The following OLFML2B variants were observed in gnomAD, a reference collection of about 807,000 sequenced individuals.
The protein encoded by OLFML2B is olfactomedin-like protein 2B.
A neutral mutation model predicts 74.9 loss-of-function variants in OLFML2B; 57 were observed. That is an observed-to-expected ratio of 0.76 (90% CI 0.61 to 0.95). OLFML2B has a LOEUF of 0.95. Among genes scored for constraint, OLFML2B ranks in the 40% least tolerant of loss-of-function variants. The pLI, the probability that OLFML2B is intolerant of heterozygous loss-of-function variation, is 0.00. For missense variants in OLFML2B, 986 were observed against 970.6 expected, an observed-to-expected ratio of 1.02 and a Z score of -0.21; for synonymous variants, 388 against 405.8, an observed-to-expected ratio of 0.96 and a Z score of 0.53.
chr1:161,996,940 A>G (rs4233382), intron 6 of OLFML2B, among the ~76,000 whole-genome samples: 97,161 of 151,994 alleles, frequency 0.64, 31,326 homozygotes, highest in Middle Eastern at 0.72. Flanking sequence ...GGGGGATCAC[A>G]AGGTCAGGAG....
chr1:161,988,732 C>T (rs996446608), intron 6 of OLFML2B, among the ~76,000 whole-genome samples: 1 of 152,068 alleles, frequency 6.6e-6, no homozygotes, highest in Non-Finnish European at 1.5e-5. Flanking sequence ...CTCCTCCCTC[C>T]TCATTCTTCC....
rs190843465 is a variant in OLFML2B, at chr1:161,991,262, T to C, written c.1475-6282A>G. ...CAGAGGAATCATTATCTATGGCAGC[T>C]ATAGCCTTACAAAATGTATTTCTTA... On this transcript the variant is annotated intron_variant, in intron 6 of 7. Transcript: ENST00000294794. 4.1e-3 allele frequency among the ~76,000 whole-genome samples: 622 copies of C among 152,354 alleles called. 2 individuals carry two copies. The highest frequency in any genetic ancestry group is 0.014 in the African/African-American group (590 of 41,582).
At chr1:161,985,810 T>C (rs976996777) in intron 6 of OLFML2B, among the ~76,000 whole-genome samples, 5 of 152,274 alleles carry the variant, frequency 3.3e-5, no homozygotes, top group Admixed American at 3.3e-4. Flanking sequence ...TGACTCTGGG[T>C]ATAGAAGCCT....
In OLFML2B at chr1:162,014,761, A is replaced by G. The variant is rs532785948; in HGVS notation, c.546+2639T>C. 8.5e-5 allele frequency among the ~76,000 whole-genome samples: 13 copies of G among 152,302 alleles called. No individual in the cohort carries two copies. In the South Asian group the frequency reaches 2.5e-3, roughly 29 times the overall value. ...AGACCCATCTGAAGACTACTGTCAC[A>G]CTTCAGCACCCTATCACCTTAGGCT... is the stretch of plus-strand genomic sequence containing the variant. On this transcript the variant is annotated intron_variant, in intron 3 of 7. Transcript: ENST00000294794.
chr1:161,997,063 A>G (rs1041407053), intron 6 of OLFML2B, among the ~76,000 whole-genome samples: 4 of 152,224 alleles, frequency 2.6e-5, no homozygotes, highest in Non-Finnish European at 5.9e-5. Flanking sequence ...AGGCTGAGGC[A>G]GGAGAATGGC....
At position 162,023,529 on chromosome 1, in the gene OLFML2B, G is replaced by A. The variant is rs1055161074; in HGVS notation, c.-99C>T. On this transcript the variant is annotated 5_prime_UTR_variant, in exon 1 of 8. Coordinates refer to ENST00000294794, the MANE Select transcript of OLFML2B (RefSeq NM_015441.3). ...CGAGAGGGTGTCCTCGCTAGAGCCC[G>A]AAAGTGGCTGCTGAGAGCACCTTCT... 2 of 1,249,374 alleles carry A rather than the reference G, an allele frequency of 1.6e-6. No homozygotes were observed. Among genetic ancestry groups the A allele is most frequent in the Non-Finnish European group, 1.1e-6 (1 of 945,908 alleles). 77.4% of individuals were successfully genotyped at this position (1,249,374 alleles called of 1,614,324 possible). A position where few individuals can be genotyped will look rare whatever the true frequency, so the allele number is the denominator to read the frequency against.
chr1:162,019,925 G>T lies in OLFML2B; in HGVS notation c.432C>A (p.Asp144Glu), dbSNP rs747444818. 7 of 1,614,004 alleles carry T rather than the reference G, an allele frequency of 4.3e-6. No homozygotes were observed. The Admixed American group carries it at 1.2e-4, about 27-fold the overall frequency. ...LQKLREADSQ[D>E]LKLSTIIDML... Reference sequence around the variant, plus strand: ...GCCCCATACCAGGTCCTACCTTCAAGTCCTGGCTGTCTGCCTCCCGCAGCT... The same window carrying T: ...GCCCCATACCAGGTCCTACCTTCAATTCCTGGCTGTCTGCCTCCCGCAGCT... The change falls in exon 2 of 8, where the codon GAC becomes GAA. Residue 144 changes from aspartate (D) to glutamate (E), a missense_variant. Physicochemically the swap from Asp to Glu is conservative, Grantham distance 45. Transcript: ENST00000294794.
intron 4 of OLFML2B, 81 bp downstream of exon 4, chr1:162,006,214 TGA>T: frequency 7.5e-7 from 1 of 1,340,260 alleles, no homozygotes; most frequent in South Asian, 1.8e-5. Flanking sequence ...GACTGAAGCC[TGA>T]AAAGTTCTAT....
At chr1:162,021,406 T>C (rs1690700835) in intron 1 of OLFML2B, among the ~76,000 whole-genome samples, 1 of 152,174 alleles carries the variant, frequency 6.6e-6, no homozygotes, top group African/African-American at 2.4e-5. Flanking sequence ...CTCTGGGCGC[T>C]TGCTGGGAAA....
At chr1:162,021,589 T>C (rs1389048751) in intron 1 of OLFML2B, among the ~76,000 whole-genome samples, 1 of 152,268 alleles carries the variant, frequency 6.6e-6, no homozygotes, top group Admixed American at 6.5e-5. Context: ...AGAAGACTTG[T>C]AATGTTTTCC....
chr1:162,017,452 T>C lies in OLFML2B; in HGVS notation c.494A>G (p.Lys165Arg), dbSNP rs377754160. ...CAGTTTGGTGGTGACTGAATGTAGC[T>C]TCAGGAGATCCAGGCCATAGAACGC... ...EGAFYGLDLL[K>R]LHSVTTKLVG... The change falls in exon 3 of 8, where the codon AAG becomes AGG. Residue 165 changes from lysine (K) to arginine (R), a missense_variant. Physicochemically the swap from Lys to Arg is conservative, Grantham distance 26. Transcript: ENST00000294794. The C allele has an allele frequency of 5.6e-6, 9 of 1,613,522 alleles. No homozygotes were observed. The highest frequency in any genetic ancestry group is 7.6e-6 in the Non-Finnish European group (9 of 1,179,854).
intron 6 of OLFML2B, among the ~76,000 whole-genome samples, chr1:161,996,493 G>A (rs2101955899): frequency 6.6e-6 from 1 of 152,350 alleles, no homozygotes. Flanking sequence ...TTGGGAATGA[G>A]GCTGCCAAGG....
intron 6 of OLFML2B, among the ~76,000 whole-genome samples, chr1:161,992,218 G>T (rs1689761390): frequency 6.6e-6 from 1 of 152,214 alleles, no homozygotes; most frequent in Non-Finnish European, 1.5e-5. Context: ...TCACGAACCA[G>T]CCTCTGTTAG....
intron 6 of OLFML2B, 42 bp from the exon 7 acceptor site, chr1:161,985,022 T>C: frequency 2.5e-6 from 4 of 1,569,960 alleles, no homozygotes; most frequent in Non-Finnish European, 3.5e-6. Context: ...GCTGATCTAG[T>C]GATGCCTCAC....
intron 3 of OLFML2B, among the ~76,000 whole-genome samples, chr1:162,010,747 T>C (rs890819737): frequency 9.9e-5 from 15 of 151,420 alleles, no homozygotes; most frequent in Admixed American, 9.2e-4. Flanking sequence ...AGGGGTGTGG[T>C]CGGGGGAGGG....
chr1:161,983,817 G>A lies in OLFML2B; in HGVS notation c.2111C>T (p.Thr704Ile), dbSNP rs1689497014. 3 of 1,614,060 alleles carry A rather than the reference G, an allele frequency of 1.9e-6. No homozygotes were observed. Among genetic ancestry groups the A allele is most frequent in the Non-Finnish European group, 2.5e-6 (3 of 1,180,046 alleles). Residue 704 changes from threonine (T) to isoleucine (I), a missense_variant, in exon 8 of 8, where the codon ACC becomes ATC. By Grantham distance (89) the Thr-to-Ile change is moderately conservative. Coordinates refer to ENST00000294794, the MANE Select transcript of OLFML2B (RefSeq NM_015441.3). The stretch of plus-strand genomic sequence containing the variant: ...CAGCCTGGGGACGATCTGTGTGTTG[G>A]TGTGGGTGTCGAAAGCGTAGGAGAT... ...ANISYAFDTH[T>I]NTQIVPRLLF...
intron 6 of OLFML2B, among the ~76,000 whole-genome samples, chr1:161,995,356 C>T (rs114380705): frequency 0.011 from 1,621 of 152,306 alleles, 33 homozygotes; most frequent in African/African-American, 0.033. Context: ...AAAAATGCCA[C>T]GGGCTAGTCT....
chr1:162,007,463 A>G (rs1690266704), intron 3 of OLFML2B, among the ~76,000 whole-genome samples: 1 of 152,184 alleles, frequency 6.6e-6, no homozygotes, highest in Non-Finnish European at 1.5e-5. Context: ...AGATTTGACT[A>G]TATTGAGATC....
chr1:161,985,081 G>C, intron 6 of OLFML2B, 101 bp from the exon 7 acceptor site: 2 of 1,232,540 alleles, frequency 1.6e-6, no homozygotes, highest in Non-Finnish European at 2.2e-6. Flanking sequence ...CTCCTCGGCA[G>C]GCTTTAACAG....
Sources: gnomAD v4.1 joint callset for allele counts (sites outside exome capture counted in the v4.1 genomes callset) on GRCh38, gnomAD v4.1.1 for gene constraint, MANE v1.5 for transcripts, NCBI Gene and HGNC (gene_info 2026-07-23, HGNC 2026-07-21) for gene names.